The following ATXN1 variants were observed in gnomAD, a reference collection of about 807,000 sequenced individuals.
ATXN1 encodes ataxin 1.
ATXN1 carries 8 observed loss-of-function variants against 56.4 expected under a neutral mutation model. The ratio of observed to expected loss-of-function variants is 0.14; its 90% CI spans 0.08 to 0.26. The LOEUF (loss-of-function observed/expected upper bound fraction) is 0.26. Among genes scored for constraint, ATXN1 ranks in the 10% least tolerant of loss-of-function variants. The pLI is 1.00. For missense variants in ATXN1, 987 were observed against 1,106.5 expected, an observed-to-expected ratio of 0.89 and a Z score of 1.53; for synonymous variants, 514 against 494.6, an observed-to-expected ratio of 1.04 and a Z score of -0.52.
intron 6 of ATXN1, among the ~76,000 whole-genome samples, chr6:16,452,432 T>C (rs928118119): frequency 6.6e-6 from 1 of 152,240 alleles, no homozygotes; most frequent in African/African-American, 2.4e-5. Flanking sequence ...GGAAAACATT[T>C]AGGATTATCC....
At chr6:16,630,113 C>T (rs1024124599) in intron 3 of ATXN1, among the ~76,000 whole-genome samples, 2 of 152,204 alleles carry the variant, frequency 1.3e-5, no homozygotes, top group South Asian at 2.1e-4. Context: ...AATCACAAAG[C>T]TAGAATGGGT....
intron 3 of ATXN1, among the ~76,000 whole-genome samples, chr6:16,626,865 CAG>C (rs1561784394): frequency 6.6e-6 from 1 of 152,150 alleles, no homozygotes. Flanking sequence ...CGAGAGGACA[CAG>C]GGGGAAGATG....
At chr6:16,590,990 G>A (rs1443907682) in intron 3 of ATXN1, among the ~76,000 whole-genome samples, 1 of 151,974 alleles carries the variant, frequency 6.6e-6, no homozygotes, top group African/African-American at 2.4e-5. Context: ...TTACAGGCAT[G>A]CACCACCACG....
intron 3 of ATXN1, among the ~76,000 whole-genome samples, chr6:16,651,481 T>G (rs915746855): frequency 2.0e-5 from 3 of 150,512 alleles, no homozygotes; most frequent in African/African-American, 7.4e-5. Context: ...GAAGCAGAGG[T>G]TGCAGTAAGC....
At chr6:16,529,876 C>G (rs1761469420) in intron 4 of ATXN1, among the ~76,000 whole-genome samples, 1 of 152,128 alleles carries the variant, frequency 6.6e-6, no homozygotes, top group Non-Finnish European at 1.5e-5. Flanking sequence ...GCTCTGATAG[C>G]CTGGATTTTA....
At chr6:16,334,477 C>T (rs573239459) in intron 6 of ATXN1, among the ~76,000 whole-genome samples, 20 of 152,226 alleles carry the variant, frequency 1.3e-4, no homozygotes, top group African/African-American at 4.6e-4. Context: ...CAGTGGCTCA[C>T]ACCTGTAATC....
intron 6 of ATXN1, among the ~76,000 whole-genome samples, chr6:16,392,789 C>G (rs1758381955): frequency 6.6e-6 from 1 of 152,226 alleles, no homozygotes; most frequent in Non-Finnish European, 1.5e-5. Context: ...AGCCATCGCA[C>G]ACGACCTCAA....
At chr6:16,708,951 AG>A (rs1329345081) in intron 2 of ATXN1, among the ~76,000 whole-genome samples, 1 of 151,958 alleles carries the variant, frequency 6.6e-6, no homozygotes, top group South Asian at 2.1e-4. Context: ...ACTTGAACCC[AG>A]GGAACAGAGT....
intron 5 of ATXN1, among the ~76,000 whole-genome samples, chr6:16,487,572 C>T (rs1013977013): frequency 1.3e-5 from 2 of 152,278 alleles, no homozygotes; most frequent in South Asian, 4.1e-4. Flanking sequence ...TTAAATCATT[C>T]GCTTGATACA....
intron 6 of ATXN1, among the ~76,000 whole-genome samples, chr6:16,377,350 C>T (rs936939740): frequency 2.0e-5 from 3 of 152,218 alleles, no homozygotes; most frequent in African/African-American, 7.2e-5. Context: ...GAATGTGGCA[C>T]ACTCTTGTTC....
intron 6 of ATXN1, among the ~76,000 whole-genome samples, chr6:16,473,820 C>G (rs923850785): frequency 6.6e-6 from 1 of 152,188 alleles, no homozygotes; most frequent in African/African-American, 2.4e-5. Flanking sequence ...TGAAAGTACA[C>G]GTCAGCTTTG....
intron 6 of ATXN1, among the ~76,000 whole-genome samples, chr6:16,400,775 G>T (rs552454798): frequency 3.9e-5 from 6 of 152,294 alleles, no homozygotes; most frequent in African/African-American, 1.4e-4. Context: ...GAAGTATTTT[G>T]GCACTAGAAG....
chr6:16,427,387 G>A (rs1002533406), intron 6 of ATXN1, among the ~76,000 whole-genome samples: 1 of 152,172 alleles, frequency 6.6e-6, no homozygotes, highest in African/African-American at 2.4e-5. Context: ...CCACGGCGGA[G>A]GGAGCAAAAT....
chr6:16,712,249 ACTTT>A (rs1276148207), intron 2 of ATXN1, among the ~76,000 whole-genome samples: 3 of 151,724 alleles, frequency 2.0e-5, no homozygotes, highest in African/African-American at 4.8e-5. Flanking sequence ...AGAAAGATGT[ACTTT>A]CTTTTCACTA....
rs79914902 is a variant in ATXN1 at position 16,597,868 on chromosome 6, G to A, written c.-488-11961C>T. The stretch of plus-strand genomic sequence containing the variant: ...AGGAGTGCACACATCTCTGGCCAGG[G>A]ACAGCAAAGAAAGGCAGCTGAGTCC... On this transcript the variant is annotated intron_variant, in intron 3 of 7. Coordinates refer to ENST00000436367, the MANE Select transcript of ATXN1 (RefSeq NM_001128164.2). Among the ~76,000 whole-genome samples, 1,191 of 152,236 alleles carry A rather than the reference G, an allele frequency of 7.8e-3. 14 individuals are homozygous for A. The highest frequency in any genetic ancestry group is 0.027 in the African/African-American group (1,129 of 41,506).
intron 6 of ATXN1, among the ~76,000 whole-genome samples, chr6:16,471,852 A>G (rs371653577): frequency 6.6e-5 from 10 of 152,330 alleles, no homozygotes; most frequent in African/African-American, 2.2e-4. Context: ...CCTTAACTTC[A>G]TCAATCTCCG....
Position 16,299,463 on chromosome 6 carries a change from C to T in ATXN1, c.*6866G>A, listed in dbSNP as rs900897133. The T allele has an allele frequency of 1.3e-5, 2 of 152,604 alleles. No homozygotes were observed. Among genetic ancestry groups the T allele is most frequent in the Non-Finnish European group, 2.9e-5 (2 of 68,038 alleles). The allele number at this position is 152,604 out of a possible 1,614,324, so 9.5% of individuals were successfully genotyped here. On this transcript the variant is annotated 3_prime_UTR_variant, in exon 8 of 8. Transcript: ENST00000436367. ...CGCATATGGAAAAAAGTTCTCCTGT[C>T]ACAATAAAAGCTCTTAACTATTATG...
chr6:16,640,638 G>A (rs946977818), intron 3 of ATXN1, among the ~76,000 whole-genome samples: 4 of 151,382 alleles, frequency 2.6e-5, no homozygotes, highest in Admixed American at 1.3e-4. Flanking sequence ...AGCAGAGATC[G>A]TGCCACTGCA....
chr6:16,660,712 G>A (rs1758299449), intron 2 of ATXN1, among the ~76,000 whole-genome samples: 1 of 151,116 alleles, frequency 6.6e-6, no homozygotes, highest in South Asian at 2.1e-4. Context: ...TGATTTACTA[G>A]ACCCACTAAG....
Sources: allele counts gnomAD v4.1 joint callset (sites outside exome capture counted in the v4.1 genomes callset), GRCh38; gene constraint gnomAD v4.1.1; transcripts MANE v1.5; gene names NCBI Gene and HGNC (gene_info 2026-07-23, HGNC 2026-07-21).